Variants in FUT8 observed in about 807,000 individuals in gnomAD.
The protein encoded by FUT8 is fucosyltransferase 8, also known as alpha-(1,6)-fucosyltransferase.
In FUT8, 29 loss-of-function variants were observed where a neutral mutation model predicts 71.3. The observed-to-expected ratio is 0.41, with a 90% CI of 0.30 to 0.55. FUT8 has a LOEUF of 0.55. Ranked by LOEUF, FUT8 falls within the 20% of genes least tolerant of loss-of-function variation. FUT8 has a pLI of 0.34. For missense variants in FUT8, 544 were observed against 702.1 expected, an observed-to-expected ratio of 0.77 and a Z score of 2.55; for synonymous variants, 254 against 239.3, an observed-to-expected ratio of 1.06 and a Z score of -0.57.
chr14:65,564,191 G>T (rs148894613), intron 3 of FUT8, among the ~76,000 whole-genome samples: 2 of 151,872 alleles, frequency 1.3e-5, no homozygotes, highest in Non-Finnish European at 2.9e-5. Flanking sequence ...TTAATATTTT[G>T]TACTCAATTT....
At chr14:65,682,240 C>G (rs1421062720) in intron 7 of FUT8, among the ~76,000 whole-genome samples, 1 of 152,214 alleles carries the variant, frequency 6.6e-6, no homozygotes, top group African/African-American at 2.4e-5. Flanking sequence ...TGGTGGCTCA[C>G]GCTTATAATC....
At chr14:65,661,746 C>G (rs1420090043) in intron 6 of FUT8, among the ~76,000 whole-genome samples, 1 of 152,134 alleles carries the variant, frequency 6.6e-6, no homozygotes, top group African/African-American at 2.4e-5. Context: ...CCCATAAATC[C>G]TAGTAGTAGT....
chr14:65,513,886 G>T (rs757903589), intron 2 of FUT8, among the ~76,000 whole-genome samples: 1 of 152,172 alleles, frequency 6.6e-6, no homozygotes, highest in Non-Finnish European at 1.5e-5. Flanking sequence ...ATTGTTTGAG[G>T]AATGTCTATG....
At chr14:65,474,226 T>G (rs1169325389) in intron 2 of FUT8, among the ~76,000 whole-genome samples, 1 of 151,238 alleles carries the variant, frequency 6.6e-6, no homozygotes, top group Non-Finnish European at 1.5e-5. Context: ...TGTAGTAAAA[T>G]CTCAGACTTC....
intron 1 of FUT8, among the ~76,000 whole-genome samples, chr14:65,445,687 T>G (rs759022362): frequency 7.9e-5 from 12 of 152,376 alleles, no homozygotes; most frequent in Middle Eastern, 3.4e-3. Context: ...GTCTAACTAC[T>G]GGTCAAATAA....
chr14:65,688,799 A>T (rs1343998574), intron 7 of FUT8, among the ~76,000 whole-genome samples: 1 of 152,176 alleles, frequency 6.6e-6, no homozygotes, highest in African/African-American at 2.4e-5. Context: ...ATCTTCCAAA[A>T]CGGCTGTCTA....
chr14:65,691,945 A>G (rs1044961498), intron 7 of FUT8, among the ~76,000 whole-genome samples: 2 of 152,210 alleles, frequency 1.3e-5, no homozygotes, highest in African/African-American at 4.8e-5. Context: ...CAGGATCCCA[A>G]GGCAGAAGAA....
intron 3 of FUT8, among the ~76,000 whole-genome samples, chr14:65,595,602 C>CTTTTT (rs34129010): frequency 0.017 from 1,400 of 81,782 alleles, 35 homozygotes; most frequent in Middle Eastern, 0.025. Flanking sequence ...ACACCATTCT[C>CTTTTT]TTTTTTTTTT....
chr14:65,648,691 G>T (rs922362043), intron 6 of FUT8, among the ~76,000 whole-genome samples: 1 of 152,152 alleles, frequency 6.6e-6, no homozygotes, highest in Non-Finnish European at 1.5e-5. Flanking sequence ...TTCCACAAGA[G>T]GGAATTTGAA....
At chr14:65,500,002 CACTT>C (rs1315949492) in intron 2 of FUT8, among the ~76,000 whole-genome samples, 1 of 152,138 alleles carries the variant, frequency 6.6e-6, no homozygotes, top group African/African-American at 2.4e-5. Flanking sequence ...CTCACATACA[CACTT>C]AACGCCCCTT....
chr14:65,734,050 G>A (rs10083363), intron 10 of FUT8, among the ~76,000 whole-genome samples: 126,105 of 152,120 alleles, frequency 0.83, 52,533 homozygotes, highest in East Asian at 1. Context: ...CTGTTCTCTC[G>A]TTTATGCACA....
chr14:65,602,468 C>G (rs1195215107), intron 3 of FUT8, among the ~76,000 whole-genome samples: 1 of 148,448 alleles, frequency 6.7e-6, no homozygotes, highest in Non-Finnish European at 1.5e-5. Flanking sequence ...GCGAATTGTG[C>G]TGCTATAAAC....
At chr14:65,504,625 A>G (rs2066696985) in intron 2 of FUT8, among the ~76,000 whole-genome samples, 1 of 152,172 alleles carries the variant, frequency 6.6e-6, no homozygotes, top group African/African-American at 2.4e-5. Flanking sequence ...TTCTCTTTCC[A>G]TAGTGTCTCC....
intron 2 of FUT8, among the ~76,000 whole-genome samples, chr14:65,508,986 G>T (rs1484625641): frequency 1.3e-5 from 2 of 152,014 alleles, no homozygotes; most frequent in Non-Finnish European, 2.9e-5. Context: ...TATTACTTAA[G>T]AAATCATTGC....
intron 3 of FUT8, among the ~76,000 whole-genome samples, chr14:65,598,262 G>A (rs1888099532): frequency 6.6e-6 from 1 of 151,740 alleles, no homozygotes; most frequent in African/African-American, 2.4e-5. Flanking sequence ...TTGCTCTGTT[G>A]CCCGGGCTGG....
At chr14:65,717,316 A>G (rs868339020) in intron 7 of FUT8, among the ~76,000 whole-genome samples, 365 of 32,636 alleles carry the variant, frequency 0.011, 6 homozygotes, top group African/African-American at 0.029. Flanking sequence ...GGGCAGAGGC[A>G]CTCCTCACCT....
chr14:65,559,381 G>T (rs577741993), intron 2 of FUT8, among the ~76,000 whole-genome samples: 1 of 152,228 alleles, frequency 6.6e-6, no homozygotes, highest in Non-Finnish European at 1.5e-5. Context: ...CATTTACGTT[G>T]TATTAGGTGT....
intron 2 of FUT8, among the ~76,000 whole-genome samples, chr14:65,503,366 G>C (rs1594708386): frequency 6.6e-6 from 1 of 152,296 alleles, no homozygotes; most frequent in South Asian, 2.1e-4. Flanking sequence ...GATTGTTCCT[G>C]ATGATAGGAC....
intron 1 of FUT8, among the ~76,000 whole-genome samples, chr14:65,429,233 T>TCTAAA (rs1297920589): frequency 6.6e-6 from 1 of 152,198 alleles, no homozygotes; most frequent in East Asian, 1.9e-4. Context: ...ATTTGACTTT[T>TCTAAA]AGAAACCTTC....
Sources: gnomAD v4.1 joint callset for allele counts (sites outside exome capture counted in the v4.1 genomes callset) on GRCh38, gnomAD v4.1.1 for gene constraint, MANE v1.5 for transcripts, NCBI Gene and HGNC (gene_info 2026-07-23, HGNC 2026-07-21) for gene names.